ATXN7L1: variants seen among roughly 807,000 people sequenced by gnomAD.
The protein encoded by ATXN7L1 is ataxin-7-like protein 1.
Under a neutral mutation model 70.8 loss-of-function variants are expected in ATXN7L1, and 15 were observed. The observed-to-expected ratio is 0.21, with a 90% CI of 0.14 to 0.33. The LOEUF (loss-of-function observed/expected upper bound fraction) is 0.33, where lower values mean the gene tolerates loss of function less well. Among genes scored for constraint, ATXN7L1 ranks in the 10% least tolerant of loss-of-function variants. The pLI is 1.00. For missense variants in ATXN7L1, 975 were observed against 1,097.1 expected (o/e 0.89, Z 1.57); for synonymous variants, 440 against 445.1 (o/e 0.99, Z 0.14).
intron 2 of ATXN7L1, among the ~76,000 whole-genome samples, chr7:105,830,558 G>A (rs1193720339): frequency 1.3e-5 from 2 of 152,390 alleles, no homozygotes; most frequent in African/African-American, 4.8e-5. Context: ...GAGTCATCAA[G>A]CAGCCCCACA....
Position 105,606,051 on chromosome 7 carries a change from T to C in ATXN7L1, c.*1801A>G, listed in dbSNP as rs997709811. On this transcript the variant is annotated 3_prime_UTR_variant, in exon 12 of 12. Coordinates refer to ENST00000419735, the MANE Select transcript of ATXN7L1 (RefSeq NM_020725.2). The stretch of plus-strand genomic sequence containing the variant: ...TATAAGTCTTAAAATCTCCTTAACC[T>C]TTTTTTTTTAAAAAAAGAAAAAGTA... The C allele has an allele frequency of 1.3e-5, 2 of 148,396 alleles. No individual in the cohort carries two copies. Among genetic ancestry groups the C allele is most frequent in the African/African-American group, 4.9e-5 (2 of 40,608 alleles). The allele number at this position is 148,396 out of a possible 1,614,324, so 9.2% of individuals were successfully genotyped here.
At chr7:105,610,787 G>A (rs186161943) in intron 10 of ATXN7L1, among the ~76,000 whole-genome samples, 184 bp from the exon 11 acceptor site, 1 of 152,372 alleles carries the variant, frequency 6.6e-6, no homozygotes, top group Admixed American at 6.5e-5. Flanking sequence ...AGGGTGCCTT[G>A]AGGGATGCCC....
chr7:105,641,485 C>T (rs942084448), intron 5 of ATXN7L1, among the ~76,000 whole-genome samples: 1 of 152,202 alleles, frequency 6.6e-6, no homozygotes. Context: ...CGAAACAAGA[C>T]AACCCACAAA....
At chr7:105,766,751 G>C (rs1485162202) in intron 3 of ATXN7L1, among the ~76,000 whole-genome samples, 1 of 152,174 alleles carries the variant, frequency 6.6e-6, no homozygotes. Context: ...CTGTGACAGG[G>C]ACAGTGCTGG....
At chr7:105,767,777 C>T (rs1801473887) in intron 3 of ATXN7L1, among the ~76,000 whole-genome samples, 1 of 152,214 alleles carries the variant, frequency 6.6e-6, no homozygotes, top group South Asian at 2.1e-4. Context: ...TCTTTCAGAA[C>T]CCCTCTGCTG....
intron 5 of ATXN7L1, among the ~76,000 whole-genome samples, 196 bp from the exon 6 acceptor site, chr7:105,639,765 T>C (rs1253353824): frequency 6.6e-6 from 1 of 152,228 alleles, no homozygotes; most frequent in Non-Finnish European, 1.5e-5. Context: ...GGGAAAATGG[T>C]GCTCCCCTCT....
intron 3 of ATXN7L1, among the ~76,000 whole-genome samples, chr7:105,706,339 G>T (rs912908050): frequency 6.6e-6 from 1 of 151,922 alleles, no homozygotes; most frequent in South Asian, 2.1e-4. Flanking sequence ...GATTACAGGC[G>T]TGCATCACCA....
Position 105,663,920 on chromosome 7 carries a change from A to G in ATXN7L1, c.578+1146T>C, listed in dbSNP as rs558549274. 3.9e-5 allele frequency among the ~76,000 whole-genome samples: 6 copies of G among 152,058 alleles called. No homozygotes were observed. In the South Asian group the frequency reaches 1.2e-3, roughly 32 times the overall value. ...CAGTAGCTGGGATTACAGGTGTGTAACACTATGCCCAGCTAATTTTTATAT... is the reference window on the plus strand; with the variant it reads ...CAGTAGCTGGGATTACAGGTGTGTAGCACTATGCCCAGCTAATTTTTATAT... On this transcript the variant is annotated intron_variant, in intron 4 of 11. Coordinates refer to ENST00000419735, the MANE Select transcript of ATXN7L1 (RefSeq NM_020725.2).
chr7:105,812,955 T>C (rs1808642343), intron 2 of ATXN7L1, among the ~76,000 whole-genome samples: 1 of 152,278 alleles, frequency 6.6e-6, no homozygotes, highest in Admixed American at 6.5e-5. Context: ...TTGGCTGTGA[T>C]TGCGCCCCTG....
At chr7:105,781,422 T>C (rs1358889362) in intron 3 of ATXN7L1, among the ~76,000 whole-genome samples, 6 of 152,206 alleles carry the variant, frequency 3.9e-5, no homozygotes, top group Non-Finnish European at 8.8e-5. Context: ...TTTTTTCCAG[T>C]ATAGGCACCT....
At chr7:105,648,136 G>A (rs1343387950) in intron 4 of ATXN7L1, among the ~76,000 whole-genome samples, 1 of 152,192 alleles carries the variant, frequency 6.6e-6, no homozygotes, top group Non-Finnish European at 1.5e-5. Context: ...CCTCTGATGT[G>A]AGGTAAAAGG....
At chr7:105,671,237 T>A (rs1347006675) in intron 3 of ATXN7L1, among the ~76,000 whole-genome samples, 1 of 148,434 alleles carries the variant, frequency 6.7e-6, no homozygotes, top group Admixed American at 6.8e-5. Context: ...GAGCCTGGAT[T>A]ACACCACTGC....
chr7:105,646,605 A>G (rs1298255190), intron 4 of ATXN7L1, among the ~76,000 whole-genome samples: 1 of 151,900 alleles, frequency 6.6e-6, no homozygotes, highest in African/African-American at 2.4e-5. Flanking sequence ...TTTAGTAGAG[A>G]TGGGGTTTCA....
chr7:105,677,395 G>A (rs1804844021), intron 3 of ATXN7L1, among the ~76,000 whole-genome samples: 1 of 152,186 alleles, frequency 6.6e-6, no homozygotes. Context: ...AACAGGACAG[G>A]TGCTCGAGTA....
intron 2 of ATXN7L1, among the ~76,000 whole-genome samples, chr7:105,809,398 C>T (rs1808089983): frequency 6.6e-6 from 1 of 152,176 alleles, no homozygotes; most frequent in Admixed American, 6.5e-5. Context: ...TGAAACTCCA[C>T]GCCCACTGAG....
In ATXN7L1 at chr7:105,614,172, G is replaced by A. The variant is rs562318903; in HGVS notation, c.2162C>T (p.Ser721Leu). The change falls in exon 10 of 12, where the codon TCG (serine) becomes TTG (leucine). Residue 721 changes from serine (S) to leucine (L), a missense_variant. This residue lies in a region of ATXN7L1 where 635 missense variants were observed against 699.4 expected (regional missense o/e 0.91). Transcript: ENST00000419735. This position sits in a 1 kb window ranked among gnomAD's most constrained non-coding sequence, Gnocchi z 4.3. ...TATGTCCGCGGGGCCGCCGGGCAGC[G>A]AGGTCCGTCCTGAGGGCTCCAGTTT... is the stretch of plus-strand genomic sequence containing the variant. ...SAKLEPSGRT[S>L]LPGGPADIVR... 122 of 1,551,708 alleles carry A rather than the reference G, an allele frequency of 7.9e-5. No homozygotes were observed. The highest frequency in any genetic ancestry group is 1.7e-4 in the Middle Eastern group (1 of 5,992).
chr7:105,870,969 G>T, intron 2 of ATXN7L1, among the ~76,000 whole-genome samples: 1 of 151,940 alleles, frequency 6.6e-6, no homozygotes, highest in East Asian at 1.9e-4. Context: ...ATTTGCAGCA[G>T]AATATTGCTT....
At chr7:105,761,383 C>T in intron 3 of ATXN7L1, 1 of 1,614,168 alleles carries the variant, frequency 6.2e-7, no homozygotes, top group Non-Finnish European at 8.5e-7. Context: ...CATTCTCACA[C>T]CTGATGCTTC....
chr7:105,867,912 C>T (rs995766471), intron 2 of ATXN7L1, among the ~76,000 whole-genome samples: 2 of 152,106 alleles, frequency 1.3e-5, no homozygotes. Flanking sequence ...GCGCAAGATG[C>T]GGCTCAGCAT....
Sources: gnomAD v4.1 joint callset for allele counts (sites outside exome capture counted in the v4.1 genomes callset) on GRCh38, gnomAD v4.1.1 for gene constraint, gnomAD v4.1.1 regional missense constraint, Gnocchi (gnomAD v3.1) non-coding constraint, MANE v1.5 for transcripts, NCBI Gene and HGNC (gene_info 2026-07-23, HGNC 2026-07-21) for gene names.